OCA2: variants seen among roughly 807,000 people sequenced by gnomAD.
OCA2 encodes the protein OCA2 melanosomal transmembrane protein.
A neutral mutation model predicts 100.2 loss-of-function variants in OCA2; 77 were observed. The ratio of observed to expected loss-of-function variants is 0.77; its 90% confidence interval spans 0.64 to 0.93. OCA2 has a LOEUF of 0.93. Ranked by LOEUF, OCA2 falls within the 40% of genes least tolerant of loss-of-function variation. The probability of loss-of-function intolerance (pLI) is 0.00; values close to 1 mark genes in which losing one functional copy is unlikely to be tolerated. For missense variants in OCA2, 1,062 were observed against 1,089.1 expected, an observed-to-expected ratio of 0.98 and a Z score of 0.35; for synonymous variants, 432 against 439.2, an observed-to-expected ratio of 0.98 and a Z score of 0.21.
chr15:27,721,773 T>C, the OCA2 span, among the ~76,000 whole-genome samples: 1 of 152,240 alleles, frequency 6.6e-6, no homozygotes, highest in Admixed American at 6.5e-5. Flanking sequence ...TATTTATTTA[T>C]AAAATTCTTA....
intron 19 of OCA2, among the ~76,000 whole-genome samples, chr15:27,887,561 G>T (rs2037276973): frequency 6.7e-6 from 1 of 149,684 alleles, no homozygotes; most frequent in African/African-American, 2.5e-5. Context: ...AGACACCCAG[G>T]TCAAGAGCCA....
intron 18 of OCA2, among the ~76,000 whole-genome samples, chr15:27,935,958 T>C (rs915815972): frequency 2.0e-5 from 3 of 152,142 alleles, no homozygotes; most frequent in African/African-American, 7.2e-5. Context: ...AGAGAGTATC[T>C]CAACAGTTAC....
intron 2 of OCA2, among the ~76,000 whole-genome samples, chr15:28,060,302 T>TG (rs1463898438): frequency 6.6e-6 from 1 of 152,238 alleles, no homozygotes; most frequent in Admixed American, 6.5e-5. Flanking sequence ...TGGGATGTGC[T>TG]GACCAGACCA....
chr15:27,890,847 GA>G (rs1341098045), intron 19 of OCA2, among the ~76,000 whole-genome samples: 6 of 152,106 alleles, frequency 3.9e-5, no homozygotes, highest in African/African-American at 1.4e-4. Flanking sequence ...CCAACATGGT[GA>G]AACCCTGTCT....
chr15:27,786,278 C>T (rs2151107765), intron 23 of OCA2, among the ~76,000 whole-genome samples: 1 of 152,238 alleles, frequency 6.6e-6, no homozygotes, highest in South Asian at 2.1e-4. Context: ...TGAATATCCA[C>T]TTAAATTTTA....
intron 2 of OCA2, among the ~76,000 whole-genome samples, chr15:28,041,881 T>C (rs1191760099): frequency 1.3e-5 from 2 of 152,202 alleles, no homozygotes; most frequent in Non-Finnish European, 2.9e-5. Flanking sequence ...TTGTTTAGGA[T>C]AAATTTATTT....
At chr15:27,977,247 C>G (rs1231773888) in intron 14 of OCA2, among the ~76,000 whole-genome samples, 2 of 152,028 alleles carry the variant, frequency 1.3e-5, no homozygotes, top group Admixed American at 6.6e-5. Flanking sequence ...TTTTTCTAGT[C>G]TGTATATATT....
chr15:27,831,342 G>C (rs2034949390), intron 23 of OCA2, among the ~76,000 whole-genome samples: 1 of 150,488 alleles, frequency 6.6e-6, no homozygotes, highest in Non-Finnish European at 1.5e-5. Flanking sequence ...CTCGCCCCTG[G>C]AATAAAGCTC....
intron 23 of OCA2, among the ~76,000 whole-genome samples, chr15:27,836,329 C>T (rs1159715457): frequency 6.6e-6 from 1 of 152,168 alleles, no homozygotes; most frequent in African/African-American, 2.4e-5. Flanking sequence ...AAGCCTAAGG[C>T]CCATTTCTGC....
rs549390010 is a variant in OCA2 at position 27,767,082 on chromosome 15, C to T, written c.2433-11610G>A. ...CTTCTCCCTTTTCTAGGTCCTGTGACCGCCATCTTGCTATTACTTGCCTTT... is the reference window on the plus strand; with the variant it reads ...CTTCTCCCTTTTCTAGGTCCTGTGATCGCCATCTTGCTATTACTTGCCTTT... On this transcript the variant is annotated intron_variant, in intron 23 of 23. Coordinates refer to ENST00000354638, the MANE Select transcript of OCA2 (RefSeq NM_000275.3). Among the ~76,000 whole-genome samples, 6 of 152,076 alleles carry T rather than the reference C, an allele frequency of 3.9e-5. No homozygotes were observed. In the South Asian group the frequency reaches 6.2e-4, roughly 16 times the overall value.
Position 27,867,047 on chromosome 15 carries a change from C to T in OCA2, c.2244+4107G>A, listed in dbSNP as rs76830245. Among the ~76,000 whole-genome samples, 852 of 152,330 alleles carry T rather than the reference C, an allele frequency of 5.6e-3. 8 individuals carry two copies. Among genetic ancestry groups the T allele is most frequent in the African/African-American group, 0.019 (809 of 41,566 alleles). On this transcript the variant is annotated intron_variant, in intron 21 of 23. Coordinates refer to ENST00000354638, the MANE Select transcript of OCA2 (RefSeq NM_000275.3). ...AAGCTGGGGGCTTGTGGGCAGCCGC[C>T]CCCCATTCCCAGTGTGCAGTTGAGA...
intron 9 of OCA2, among the ~76,000 whole-genome samples, chr15:28,004,833 G>A (rs1439307418): frequency 6.6e-6 from 1 of 151,612 alleles, no homozygotes; most frequent in African/African-American, 2.4e-5. Context: ...ACATACTCAT[G>A]TACTAACACA....
chr15:27,780,470 T>C (rs2032479934), intron 23 of OCA2, among the ~76,000 whole-genome samples: 1 of 152,216 alleles, frequency 6.6e-6, no homozygotes, highest in Non-Finnish European at 1.5e-5. Flanking sequence ...GTGCATGGAA[T>C]TGATAGGAAG....
chr15:27,970,524 C>T (rs1190806534), intron 14 of OCA2, among the ~76,000 whole-genome samples: 3 of 150,794 alleles, frequency 2.0e-5, no homozygotes, highest in South Asian at 2.1e-4. Flanking sequence ...ACACACAGCA[C>T]GGTGGGAAAA....
intron 1 of OCA2, among the ~76,000 whole-genome samples, chr15:28,082,879 C>G (rs1171862136): frequency 1.3e-5 from 2 of 152,208 alleles, no homozygotes; most frequent in Non-Finnish European, 2.9e-5. Context: ...TCCTATACCT[C>G]TAAAGTAATG....
At chr15:27,944,845 G>A (rs2039776823) in intron 18 of OCA2, among the ~76,000 whole-genome samples, 1 of 152,130 alleles carries the variant, frequency 6.6e-6, no homozygotes, top group Admixed American at 6.5e-5. Context: ...GTCCTACATG[G>A]GTAAAACTCC....
the OCA2 span, among the ~76,000 whole-genome samples, chr15:27,735,264 GAAGA>G: frequency 1.3e-5 from 2 of 152,068 alleles, no homozygotes; most frequent in Non-Finnish European, 2.9e-5. Context: ...TGACCAAACA[GAAGA>G]AAGAATCTTC....
At chr15:27,771,144 C>G (rs1017141524) in intron 23 of OCA2, among the ~76,000 whole-genome samples, 17 of 145,940 alleles carry the variant, frequency 1.2e-4, no homozygotes, top group Admixed American at 2.1e-4. Flanking sequence ...CCTTCCTTCC[C>G]TCCCCTTGCA....
chr15:27,852,559 C>T (rs1193123674), intron 21 of OCA2, among the ~76,000 whole-genome samples: 2 of 152,144 alleles, frequency 1.3e-5, no homozygotes, highest in African/African-American at 4.8e-5. Context: ...CAACAAAAGA[C>T]AAAATTGACA....
Sources: gnomAD v4.1 joint callset for allele counts (sites outside exome capture counted in the v4.1 genomes callset) on GRCh38, gnomAD v4.1.1 for gene constraint, MANE v1.5 for transcripts, NCBI Gene and HGNC (gene_info 2026-07-23, HGNC 2026-07-21) for gene names.